The following NAV2 variants were observed in gnomAD, a reference collection of about 807,000 sequenced individuals.
NAV2 encodes the protein helicase, APC down-regulated 1.
In NAV2, 54 loss-of-function variants were observed where a neutral mutation model predicts 223.2. That is an observed-to-expected ratio of 0.24 (90% CI 0.19 to 0.30). NAV2 has a LOEUF of 0.30. Ranked by LOEUF, NAV2 falls within the 10% of genes least tolerant of loss-of-function variation. The pLI is 1.00. For missense variants in NAV2, 2,806 were observed against 3,147.5 expected (o/e 0.89, Z 2.60); for synonymous variants, 1,279 against 1,239.3 (o/e 1.03, Z -0.67).
chr11:19,941,159 G>C lies in NAV2; in HGVS notation c.2146+1386G>C, dbSNP rs552072248. ...CGGAGAATATTCCAAATATTACTTAGATTTCAGAGTGACAGATTGCAGTGT... is the reference window on the plus strand; with the variant it reads ...CGGAGAATATTCCAAATATTACTTACATTTCAGAGTGACAGATTGCAGTGT... On this transcript the variant is annotated intron_variant, in intron 8 of 37. Transcript: ENST00000349880. Among the ~76,000 whole-genome samples the C allele has an allele frequency of 1.2e-4, 19 of 152,218 alleles. 1 individual carries two copies. Among genetic ancestry groups the C allele is most frequent in the African/African-American group, 4.6e-4 (19 of 41,526 alleles).
chr11:19,976,695 C>G (rs77274117), intron 10 of NAV2, among the ~76,000 whole-genome samples: 7,223 of 152,298 alleles, frequency 0.047, 560 homozygotes, highest in African/African-American at 0.16. Flanking sequence ...CCTGCTGTAC[C>G]TTGACCAGAG....
intron 1 of NAV2, among the ~76,000 whole-genome samples, chr11:19,717,946 T>G (rs977595788): frequency 1.3e-5 from 2 of 152,202 alleles, no homozygotes; most frequent in African/African-American, 4.8e-5. Context: ...AAGACCTAAC[T>G]TAGCCAGCAA....
chr11:19,508,300 A>C (rs1404205147), intron 1 of NAV2, among the ~76,000 whole-genome samples: 1 of 152,086 alleles, frequency 6.6e-6, no homozygotes, highest in African/African-American at 2.4e-5. Context: ...TGACTCATTG[A>C]CTATCCACTC....
Position 19,945,103 on chromosome 11 carries a change from C to A in NAV2, c.2147-1298C>A, listed in dbSNP as rs1591364095. On this transcript the variant is annotated intron_variant, in intron 8 of 37. Transcript: ENST00000349880. ...CTTTTCTCTTTTCTTCTCTTCTCTT[C>A]TTTCTTTTTTTCTCTTTCTTTCTTT... is the stretch of plus-strand genomic sequence containing the variant. Among the ~76,000 whole-genome samples, 5 of 106,258 alleles carry A rather than the reference C, an allele frequency of 4.7e-5. 1 individual carries two copies. The highest frequency in any genetic ancestry group is 4.4e-4 in the Admixed American group (4 of 9,146). 69.7% of individuals were successfully genotyped at this position (106,258 alleles called of 152,430 possible).
At chr11:19,599,490 C>A (rs1783393706) in intron 1 of NAV2, among the ~76,000 whole-genome samples, 1 of 152,184 alleles carries the variant, frequency 6.6e-6, no homozygotes, top group African/African-American at 2.4e-5. Flanking sequence ...CAAAGGCGTT[C>A]TTTGAAGGTA....
intron 19 of NAV2, among the ~76,000 whole-genome samples, chr11:20,061,212 C>T (rs2058678834): frequency 6.6e-6 from 1 of 152,146 alleles, no homozygotes; most frequent in Non-Finnish European, 1.5e-5. Flanking sequence ...CTTCTTCCCA[C>T]AGAAGAAGGC....
At chr11:20,061,871 C>G (rs1391268863) in intron 19 of NAV2, among the ~76,000 whole-genome samples, 2 of 152,040 alleles carry the variant, frequency 1.3e-5, no homozygotes, top group Non-Finnish European at 2.9e-5. Flanking sequence ...GGGTAAAAAA[C>G]TGTATTTGGA....
intron 1 of NAV2, among the ~76,000 whole-genome samples, chr11:19,772,142 T>C (rs2055766998): frequency 6.6e-6 from 1 of 152,212 alleles, no homozygotes; most frequent in African/African-American, 2.4e-5. Context: ...TTTTTATACA[T>C]CTTCTTCCTT....
chr11:19,655,900 TTAAAA>T (rs1565142843), intron 1 of NAV2, among the ~76,000 whole-genome samples: 2 of 150,928 alleles, frequency 1.3e-5, no homozygotes, highest in South Asian at 4.2e-4. Context: ...AATAAAAAAT[TTAAAA>T]AAAAGAATCT....
intron 1 of NAV2, among the ~76,000 whole-genome samples, chr11:19,401,105 C>T (rs561146200): frequency 1.3e-5 from 2 of 152,312 alleles, no homozygotes; most frequent in East Asian, 3.9e-4. Context: ...AGGAAACAAT[C>T]AATGCTCTCA....
At chr11:20,072,616 A>T (rs1345094182) in intron 22 of NAV2, among the ~76,000 whole-genome samples, 2 of 152,198 alleles carry the variant, frequency 1.3e-5, no homozygotes, top group Non-Finnish European at 2.9e-5. Flanking sequence ...TTCCTTGAGC[A>T]GTGGTTTGTA....
intron 1 of NAV2, among the ~76,000 whole-genome samples, chr11:19,795,110 A>G (rs2057794534): frequency 6.6e-6 from 1 of 152,200 alleles, no homozygotes; most frequent in Non-Finnish European, 1.5e-5. Context: ...GCGCAAGGCT[A>G]TTGAAATTCA....
intron 1 of NAV2, among the ~76,000 whole-genome samples, chr11:19,596,750 C>G (rs2046216225): frequency 6.6e-6 from 1 of 152,248 alleles, no homozygotes; most frequent in South Asian, 2.1e-4. Flanking sequence ...TGAGTTTCAG[C>G]AAATGATGGC....
intron 1 of NAV2, among the ~76,000 whole-genome samples, chr11:19,540,447 C>T (rs913879172): frequency 3.9e-5 from 6 of 152,234 alleles, no homozygotes; most frequent in African/African-American, 1.4e-4. Context: ...TACAAGTACT[C>T]ATGGTGATTC....
intron 1 of NAV2, among the ~76,000 whole-genome samples, chr11:19,628,525 C>A (rs1340125141): frequency 1.3e-5 from 2 of 152,188 alleles, no homozygotes; most frequent in Non-Finnish European, 2.9e-5. Flanking sequence ...TCGAAAGCCT[C>A]TCAGAAATGT....
intron 1 of NAV2, among the ~76,000 whole-genome samples, chr11:19,668,043 A>G (rs2048465981): frequency 6.6e-6 from 1 of 151,892 alleles, no homozygotes; most frequent in South Asian, 2.1e-4. Context: ...GGCCCATCCC[A>G]CCTATTCTCT....
chr11:19,671,273 C>T (rs2048564989), intron 1 of NAV2, among the ~76,000 whole-genome samples: 1 of 152,248 alleles, frequency 6.6e-6, no homozygotes, highest in Non-Finnish European at 1.5e-5. Context: ...CCCAAGCACA[C>T]AAGCACACAG....
At chr11:19,958,922 G>A (rs543133022) in intron 10 of NAV2, among the ~76,000 whole-genome samples, 2 of 152,358 alleles carry the variant, frequency 1.3e-5, no homozygotes, top group East Asian at 3.9e-4. Flanking sequence ...CAGAGCCACA[G>A]GGCTGGGTAA....
chr11:19,707,890 G>A (rs752910727), upstream of NAV2, among the ~76,000 whole-genome samples: 1 of 152,148 alleles, frequency 6.6e-6, no homozygotes, highest in Non-Finnish European at 1.5e-5. Flanking sequence ...TTACAGGACC[G>A]CCATCATTAT....
Sources: gnomAD v4.1 joint callset for allele counts (sites outside exome capture counted in the v4.1 genomes callset) on GRCh38, gnomAD v4.1.1 for gene constraint, MANE v1.5 for transcripts, NCBI Gene and HGNC (gene_info 2026-07-23, HGNC 2026-07-21) for gene names.